The following LITAF variants were observed in gnomAD, a reference collection of about 807,000 sequenced individuals.
LITAF encodes lipopolysaccharide induced TNF factor.
Under a neutral mutation model 14.5 loss-of-function variants are expected in LITAF, and 9 were observed. The observed-to-expected ratio is 0.62, with a 90% CI of 0.37 to 1.08. The LOEUF is 1.08. Ranked by LOEUF, LITAF falls within the 50% of genes least tolerant of loss-of-function variation. LITAF has a pLI of 0.01. For synonymous variants in LITAF, 98 were observed against 88.2 expected (o/e 1.11, Z -0.62); for missense variants, 206 against 213.4 (o/e 0.97, Z 0.22).
upstream of LITAF, chr16:11,587,310 A>T (rs1597361546): frequency 2.6e-6 from 1 of 381,846 alleles, no homozygotes. Context: ...GCGCCGCTCC[A>T]CCACTTCCAG....
intron 1 of LITAF, among the ~76,000 whole-genome samples, chr16:11,570,851 G>C (rs2064531042): frequency 6.6e-6 from 1 of 152,094 alleles, no homozygotes; most frequent in Non-Finnish European, 1.5e-5. Context: ...CTAGGGGGTT[G>C]AGGCTGCAGT....
chr16:11,585,602 T>C (rs1254907624), intron 1 of LITAF, among the ~76,000 whole-genome samples: 1 of 152,096 alleles, frequency 6.6e-6, no homozygotes, highest in African/African-American at 2.4e-5. Flanking sequence ...TCTGTAGGCA[T>C]CTGGGTTAGT....
intron 2 of LITAF, among the ~76,000 whole-genome samples, chr16:11,635,366 C>T (rs2065134250): frequency 6.6e-6 from 1 of 152,238 alleles, no homozygotes; most frequent in African/African-American, 2.4e-5. Flanking sequence ...GAGCCAACCC[C>T]TGTACTGGTT....
At chr16:11,617,381 G>A (rs1476922053) in intron 3 of LITAF, among the ~76,000 whole-genome samples, 1 of 149,130 alleles carries the variant, frequency 6.7e-6, no homozygotes, top group African/African-American at 2.5e-5. Flanking sequence ...ATCAAGTTCT[G>A]AAAGCAGGGG....
chr16:11,581,540 G>A (rs991220814), intron 1 of LITAF, among the ~76,000 whole-genome samples: 1 of 152,060 alleles, frequency 6.6e-6, no homozygotes, highest in South Asian at 2.1e-4. Flanking sequence ...GCTTGAGCTC[G>A]AGAGGGAGGT....
upstream of LITAF, among the ~76,000 whole-genome samples, chr16:11,589,173 G>C (rs1193731772): frequency 6.6e-6 from 1 of 152,072 alleles, no homozygotes; most frequent in African/African-American, 2.4e-5. Flanking sequence ...CAACCAGGGG[G>C]TAAAAGTAAA....
chr16:11,581,481 T>C (rs2064733530), intron 1 of LITAF, among the ~76,000 whole-genome samples: 2 of 152,082 alleles, frequency 1.3e-5, no homozygotes, highest in African/African-American at 4.8e-5. Context: ...ACCCTGTCTC[T>C]ACAACAAAAA....
At chr16:11,615,478 G>A (rs1417262483) in intron 3 of LITAF, among the ~76,000 whole-genome samples, 2 of 151,762 alleles carry the variant, frequency 1.3e-5, no homozygotes, top group Admixed American at 6.6e-5. Context: ...TGGAGGTTGC[G>A]GTGAGCCGAG....
chr16:11,564,229 A>C (rs1014884008), intron 1 of LITAF, among the ~76,000 whole-genome samples: 1 of 152,006 alleles, frequency 6.6e-6, no homozygotes, highest in African/African-American at 2.4e-5. Context: ...TTAAAAGTGG[A>C]GGCAAAAAAC....
intron 1 of LITAF, among the ~76,000 whole-genome samples, chr16:11,569,095 G>A (rs1018413474): frequency 1.3e-5 from 2 of 152,196 alleles, no homozygotes; most frequent in Non-Finnish European, 2.9e-5. Context: ...AGGACGGATA[G>A]TGTCCAAGGC....
At chr16:11,601,443 C>T (rs1460203659), upstream of LITAF, among the ~76,000 whole-genome samples, 1 of 152,170 alleles carries the variant, frequency 6.6e-6, no homozygotes, top group Non-Finnish European at 1.5e-5. Context: ...CACACAGAAC[C>T]AGGGTAAGGT....
In LITAF at chr16:11,553,520, G is replaced by C. The variant is rs200357430; in HGVS notation, c.377+13C>G. The C allele has an allele frequency of 6.1e-4, 986 of 1,613,618 alleles. 7 individuals carry two copies. The highest frequency in any genetic ancestry group is 3.3e-4 in the Admixed American group (20 of 59,990). On this transcript the variant is annotated intron_variant, in intron 3 of 3. Transcript: ENST00000622633. This position sits in a 1 kb window ranked among gnomAD's most constrained non-coding sequence, Gnocchi z 7.7. ...GGCAGGATGGCTTGGGGCCAAGTGG[G>C]AGGCAGACTCACCCCAGCAGGCACA... is the stretch of plus-strand genomic sequence containing the variant.
At chr16:11,614,801 T>G (rs1022903305) in intron 3 of LITAF, among the ~76,000 whole-genome samples, 2 of 152,148 alleles carry the variant, frequency 1.3e-5, no homozygotes, top group African/African-American at 4.8e-5. Context: ...TCTTCTTACT[T>G]CCTCTGATAT....
At chr16:11,554,880 T>A (rs2064244686) in intron 2 of LITAF, among the ~76,000 whole-genome samples, 1 of 152,030 alleles carries the variant, frequency 6.6e-6, no homozygotes, top group South Asian at 2.1e-4. Flanking sequence ...TTAAAGCAAC[T>A]TCCTTCTGTT....
At chr16:11,613,482 C>T (rs181639936) in intron 3 of LITAF, among the ~76,000 whole-genome samples, 1 of 152,334 alleles carries the variant, frequency 6.6e-6, no homozygotes, top group East Asian at 1.9e-4. Flanking sequence ...GTTGTTCCGC[C>T]TGTTTAGACC....
Position 11,549,389 on chromosome 16 carries a change from G to T in LITAF, c.*248C>A. 1 of 549,736 alleles carries T rather than the reference G, an allele frequency of 1.8e-6. No individual in the cohort carries two copies. 34.1% of individuals were successfully genotyped at this position (549,736 alleles called of 1,614,324 possible). On this transcript the variant is annotated 3_prime_UTR_variant, in exon 4 of 4. Coordinates refer to ENST00000622633, the MANE Select transcript of LITAF (RefSeq NM_001136472.2). The surrounding 1 kb of genome is among the most constrained non-coding windows in gnomAD (Gnocchi z 4.6). ...ATGGCAGGACTCAGGGTCTCAGGGA[G>T]GCAGGAAACCGTGGAACTGACACTC...
At chr16:11,629,594 C>G (rs1789722650) in intron 3 of LITAF, among the ~76,000 whole-genome samples, 1 of 152,158 alleles carries the variant, frequency 6.6e-6, no homozygotes. Context: ...AGTCAGCGGC[C>G]ACACTCGAAG....
chr16:11,604,858 G>A (rs763025530), intron 3 of LITAF, among the ~76,000 whole-genome samples: 2 of 151,422 alleles, frequency 1.3e-5, no homozygotes, highest in African/African-American at 2.4e-5. Flanking sequence ...CCCCTGAAAC[G>A]CTGCGTCAAA....
rs574494513 is a variant in LITAF, at chr16:11,562,191, G to A, written c.-5-5456C>T. On this transcript the variant is annotated intron_variant, in intron 1 of 3. Coordinates refer to ENST00000622633, the MANE Select transcript of LITAF (RefSeq NM_001136472.2). ...CTGCCTCAGCCTCTCAAAGTGCTGG[G>A]ATTACAGGCATGAGCCACCGTGCCC... is the stretch of plus-strand genomic sequence containing the variant. Among the ~76,000 whole-genome samples, 8 of 151,770 alleles carry A rather than the reference G, an allele frequency of 5.3e-5. No homozygotes were observed. The South Asian group carries it at 1.3e-3, about 24-fold the overall frequency.
Sources: gnomAD v4.1 joint callset for allele counts (sites outside exome capture counted in the v4.1 genomes callset) on GRCh38, gnomAD v4.1.1 for gene constraint, Gnocchi (gnomAD v3.1) non-coding constraint, MANE v1.5 for transcripts, NCBI Gene and HGNC (gene_info 2026-07-23, HGNC 2026-07-21) for gene names.